SNX32: variants seen among roughly 807,000 people sequenced by gnomAD.
The protein encoded by SNX32 is sorting nexin 32.
Under a neutral mutation model 57.0 loss-of-function variants are expected in SNX32, and 58 were observed. The observed-to-expected ratio is 1.02, with a 90% CI of 0.82 to 1.27. The LOEUF is 1.27. Ranked by LOEUF, SNX32 falls within the 50% of genes most tolerant of loss-of-function variation. SNX32 has a pLI of 0.00. For missense variants in SNX32, 589 were observed against 541.2 expected, an observed-to-expected ratio of 1.09 and a Z score of -0.88; for synonymous variants, 262 against 220.4, an observed-to-expected ratio of 1.19 and a Z score of -1.67.
intron 1 of SNX32, among the ~76,000 whole-genome samples, chr11:65,839,365 G>A (rs1565246208): frequency 6.9e-6 from 1 of 144,364 alleles, no homozygotes; most frequent in South Asian, 2.2e-4. Context: ...AAGTAGCTGG[G>A]ACTACAGGCG....
rs758563262 is a variant in SNX32 at position 65,850,439 on chromosome 11, TG to T, written c.385del (p.Ala129ProfsTer39). 1 of 1,614,192 alleles carries T rather than the reference TG, an allele frequency of 6.2e-7. No individual in the cohort carries two copies. The highest frequency in any genetic ancestry group is 1.1e-5 in the South Asian group (1 of 91,086). On this transcript the variant is annotated frameshift_variant, in exon 5 of 13. Coordinates refer to ENST00000308342, the MANE Select transcript of SNX32 (RefSeq NM_152760.3). LOFTEE classifies it high-confidence loss of function. ...TGCTGCCACTCTCGCAGGGAGTACC[TG>T]GCCATCTTTAAGAAGACAGTTGCGA... ...KMKQELEAEY[L>X]AIFKKTVAMH... is the part of the protein sequence containing the mutation.
intron 1 of SNX32, among the ~76,000 whole-genome samples, chr11:65,836,944 A>T (rs902813551): frequency 1.3e-5 from 2 of 151,044 alleles, no homozygotes; most frequent in African/African-American, 4.9e-5. Context: ...CAAATACCTA[A>T]TGCATGTGGG....
chr11:65,850,749 A>C lies in SNX32; in HGVS notation c.499-2A>C, dbSNP rs773865970. 1 of 1,613,814 alleles carries C rather than the reference A, an allele frequency of 6.2e-7. No individual in the cohort carries two copies. Among genetic ancestry groups the C allele is most frequent in the Non-Finnish European group, 8.5e-7 (1 of 1,179,794 alleles). ...GCATCATACCCTCCCTGTGTGCCTC[A>C]GCTGAGTGTCCGGGGGAAGAACAGG... On this transcript the variant is annotated splice_acceptor_variant, in intron 5 of 12. Transcript: ENST00000308342. LOFTEE classifies it high-confidence loss of function.
At chr11:65,836,972 C>G (rs894259888) in intron 1 of SNX32, among the ~76,000 whole-genome samples, 4 of 151,932 alleles carry the variant, frequency 2.6e-5, no homozygotes, top group African/African-American at 9.7e-5. Flanking sequence ...ACCTAGATGA[C>G]GGGTTGATAG....
Position 65,852,953 on chromosome 11 carries a change from G to C in SNX32, c.1153G>C (p.Ala385Pro). 6.2e-7 allele frequency: 1 copy of C among 1,614,000 alleles called. No individual in the cohort carries two copies. Among genetic ancestry groups the C allele is most frequent in the African/African-American group, 1.3e-5 (1 of 74,990 alleles). ...GCTGGCAGAGCTGGAGCTCAAACAC[G>C]CCAAGGTGAGCCCTCCCACCTCACT... ...IELAELELKH[A>P]KASTLILRNT... The change falls in exon 12 of 13, where the codon GCC becomes CCC. Residue 385 changes from alanine to proline, a missense_variant. Coordinates refer to ENST00000308342, the MANE Select transcript of SNX32 (RefSeq NM_152760.3).
At chr11:65,852,594 G>A (rs768168830) in intron 10 of SNX32, 36 bp from the exon 11 acceptor site, 3 of 1,613,874 alleles carry the variant, frequency 1.9e-6, no homozygotes, top group South Asian at 2.2e-5. Context: ...CGGATGCCAG[G>A]ACAGGGCAGC....
At chr11:65,835,207 C>T (rs1858634164) in intron 1 of SNX32, among the ~76,000 whole-genome samples, 2 of 151,856 alleles carry the variant, frequency 1.3e-5, no homozygotes, top group African/African-American at 4.8e-5. Context: ...CACCTGTGTG[C>T]GGACTGATGA....
chr11:65,836,988 G>A (rs1225279231), intron 1 of SNX32, among the ~76,000 whole-genome samples: 1 of 152,072 alleles, frequency 6.6e-6, no homozygotes, highest in African/African-American at 2.4e-5. Context: ...GATAGGTGCA[G>A]CAAACCAGTA....
At chr11:65,851,191 C>T in intron 7 of SNX32, 31 bp downstream of exon 7, 9 of 1,606,488 alleles carry the variant, frequency 5.6e-6, no homozygotes, top group Non-Finnish European at 6.8e-6. Context: ...CCTGGATCCC[C>T]CTGCCCCTCT....
At chr11:65,848,367 G>T (rs1859058836) in intron 1 of SNX32, among the ~76,000 whole-genome samples, 1 of 150,682 alleles carries the variant, frequency 6.6e-6, no homozygotes, top group Admixed American at 6.6e-5. Context: ...GAGCCCAGGA[G>T]TTTGAGACCA....
intron 1 of SNX32, among the ~76,000 whole-genome samples, chr11:65,845,592 G>T (rs557884876): frequency 1.7e-4 from 26 of 151,782 alleles, no homozygotes; most frequent in African/African-American, 6.3e-4. Context: ...CAAAAAATTA[G>T]CCAGGCATGC....
chr11:65,845,565 C>T (rs1322333939), intron 1 of SNX32, among the ~76,000 whole-genome samples: 1 of 151,950 alleles, frequency 6.6e-6, no homozygotes, highest in Admixed American at 6.6e-5. Flanking sequence ...AATGAAACCC[C>T]GTTTCTACTA....
At chr11:65,847,579 G>T (rs971543560) in intron 1 of SNX32, among the ~76,000 whole-genome samples, 1 of 152,052 alleles carries the variant, frequency 6.6e-6, no homozygotes, top group East Asian at 1.9e-4. Flanking sequence ...CTTAAAATTT[G>T]TGCACTTTCC....
At position 65,850,817 on chromosome 11, in the gene SNX32, G is replaced by A. The variant is rs765439832; in HGVS notation, c.565G>A (p.Ala189Thr). ...GTTTCTGAGGAATATTGTGAAGTCC[G>A]CGGATGAAGCCCTCATCACGGGCAT... ...GGFLRNIVKS[A>T]DEALITGMSG... The change falls in exon 6 of 13, where the codon GCG (alanine) becomes ACG (threonine). Residue 189 changes from alanine (A) to threonine (T), a missense_variant. Physicochemically the swap from Ala to Thr is moderately conservative, Grantham distance 58. Coordinates refer to ENST00000308342, the MANE Select transcript of SNX32 (RefSeq NM_152760.3). 14 of 1,613,928 alleles carry A rather than the reference G, an allele frequency of 8.7e-6. No individual in the cohort carries two copies. Among genetic ancestry groups the A allele is most frequent in the East Asian group, 4.5e-5 (2 of 44,888 alleles).
chr11:65,848,412 A>G (rs1180862338), intron 1 of SNX32, among the ~76,000 whole-genome samples: 1 of 151,762 alleles, frequency 6.6e-6, no homozygotes, highest in South Asian at 2.1e-4. Context: ...GTCTCTAAAA[A>G]AAAAAAAAAA....
At chr11:65,853,147 AG>A in intron 12 of SNX32, 134 bp from the exon 13 acceptor site, 1 of 1,358,790 alleles carries the variant, frequency 7.4e-7, no homozygotes, top group Non-Finnish European at 1.0e-6. Flanking sequence ...CCTTCTGGGT[AG>A]GAAGGCCCAA....
Position 65,853,339 on chromosome 11 carries a change from A to T in SNX32, c.*4A>T. 6.2e-7 allele frequency: 1 copy of T among 1,614,022 alleles called. No homozygotes were observed. The highest frequency in any genetic ancestry group is 8.5e-7 in the Non-Finnish European group (1 of 1,179,972). ...TGCCCTAAAGGGGGAGCCTTAGAGT[A>T]GCCAGAGCTCAGCCAGACCCTAATC... On this transcript the variant is annotated 3_prime_UTR_variant, in exon 13 of 13. Coordinates refer to ENST00000308342, the MANE Select transcript of SNX32 (RefSeq NM_152760.3).
intron 12 of SNX32, 94 bp from the exon 13 acceptor site, chr11:65,853,188 G>A (rs1859279339): frequency 6.5e-7 from 1 of 1,544,334 alleles, no homozygotes; most frequent in Non-Finnish European, 8.9e-7. Flanking sequence ...CAGAGAGCAG[G>A]GGTGTGGGGA....
In SNX32 at chr11:65,853,351, G is replaced by C. The variant is rs769259015; in HGVS notation, c.*16G>C. On this transcript the variant is annotated 3_prime_UTR_variant, in exon 13 of 13. Coordinates refer to ENST00000308342, the MANE Select transcript of SNX32 (RefSeq NM_152760.3). ...GGAGCCTTAGAGTAGCCAGAGCTCA[G>C]CCAGACCCTAATCTGGGATCTCCAG... 1.2e-6 allele frequency: 2 copies of C among 1,613,598 alleles called. No individual in the cohort carries two copies. The highest frequency in any genetic ancestry group is 1.7e-5 in the Admixed American group (1 of 59,986).
Sources: gnomAD v4.1 joint callset for allele counts (sites outside exome capture counted in the v4.1 genomes callset) on GRCh38, gnomAD v4.1.1 for gene constraint, MANE v1.5 for transcripts, NCBI Gene and HGNC (gene_info 2026-07-23, HGNC 2026-07-21) for gene names.